SCMH1: variants seen among roughly 807,000 people sequenced by gnomAD.
SCMH1 encodes Scm polycomb group protein homolog 1, also known as polycomb protein SCMH1.
A neutral mutation model predicts 70.8 loss-of-function variants in SCMH1; 37 were observed. That is an observed-to-expected ratio of 0.52 (90% confidence interval 0.40 to 0.69). SCMH1 has a LOEUF of 0.69. Ranked by LOEUF, SCMH1 falls within the 30% of genes least tolerant of loss-of-function variation. The pLI is 0.00. For synonymous variants in SCMH1, 292 were observed against 307.4 expected (o/e 0.95, Z 0.52); for missense variants, 607 against 827.3 (o/e 0.73, Z 3.27).
chr1:41,039,115 A>T (rs1645730452), intron 12 of SCMH1, among the ~76,000 whole-genome samples: 1 of 152,260 alleles, frequency 6.6e-6, no homozygotes, highest in East Asian at 1.9e-4. Flanking sequence ...TTCAGCATTT[A>T]TCAGCAGGGT....
intron 8 of SCMH1, among the ~76,000 whole-genome samples, chr1:41,093,527 A>G (rs1572041408): frequency 6.6e-6 from 1 of 152,198 alleles, no homozygotes; most frequent in Non-Finnish European, 1.5e-5. Flanking sequence ...TAATAATAAT[A>G]AAAAAAGTTA....
At chr1:41,229,050 G>C (rs1316040537) in intron 1 of SCMH1, among the ~76,000 whole-genome samples, 2 of 152,100 alleles carry the variant, frequency 1.3e-5, no homozygotes, top group Non-Finnish European at 2.9e-5. Flanking sequence ...ACAAAAACTA[G>C]CCAGGCATGA....
At chr1:41,096,795 CT>C (rs11435636) in intron 8 of SCMH1, among the ~76,000 whole-genome samples, 1 of 152,018 alleles carries the variant, frequency 6.6e-6, no homozygotes, top group Non-Finnish European at 1.5e-5. Flanking sequence ...CTTTCCCTAC[CT>C]TTTTTCTCAT....
At chr1:41,055,381 ACT>A (rs756599215) in intron 10 of SCMH1, among the ~76,000 whole-genome samples, 39 of 151,616 alleles carry the variant, frequency 2.6e-4, no homozygotes, top group Admixed American at 1.0e-3. Context: ...ATGGAGTCTC[ACT>A]CTGTCGCCCA....
At chr1:41,141,512 T>C (rs1644069880) in intron 6 of SCMH1, among the ~76,000 whole-genome samples, 1 of 152,160 alleles carries the variant, frequency 6.6e-6, no homozygotes, top group African/African-American at 2.4e-5. Flanking sequence ...TAGAAATAAA[T>C]ATCACCAGCT....
At position 41,192,956 on chromosome 1, in the gene SCMH1, T is replaced by C. The variant is rs768046211; in HGVS notation, c.-117-6706A>G. ...GTTTTACAGGACATATGGTCTCTGT[T>C]GCAACTGCTCAACTCTGTTATCATA... On this transcript the variant is annotated intron_variant, in intron 1 of 14. Transcript: ENST00000337495. Among the ~76,000 whole-genome samples the C allele has an allele frequency of 2.2e-4, 33 of 152,338 alleles. 1 individual carries two copies. Among genetic ancestry groups the C allele is most frequent in the Non-Finnish European group, 3.7e-4 (25 of 68,026 alleles).
intron 6 of SCMH1, among the ~76,000 whole-genome samples, chr1:41,118,526 G>C (rs1671109939): frequency 6.6e-6 from 1 of 152,118 alleles, no homozygotes; most frequent in Admixed American, 6.6e-5. Context: ...ATCACTTTCT[G>C]TCTTGCACAC....
intron 6 of SCMH1, among the ~76,000 whole-genome samples, chr1:41,137,258 C>T (rs1306352842): frequency 2.0e-5 from 3 of 152,062 alleles, no homozygotes; most frequent in African/African-American, 7.3e-5. Flanking sequence ...TAAGGCTATA[C>T]ATTTTCTTCT....
At position 41,074,072 on chromosome 1, in the gene SCMH1, CTTTTTTT is replaced by C. The variant is rs532510799; in HGVS notation, c.978+1140_978+1146del. ...CCCTAGAGAAGCTGCTGACAGAAGT[CTTTTTTT>C]TTTTTTTTTTTTATATCAATGCCTT... is the stretch of plus-strand genomic sequence containing the variant. On this transcript the variant is annotated intron_variant, in intron 9 of 14. Transcript: ENST00000337495. 7.8e-5 allele frequency among the ~76,000 whole-genome samples: 10 copies of C among 128,462 alleles called. 1 individual carries two copies. The highest frequency in any genetic ancestry group is 2.6e-4 in the South Asian group (1 of 3,860). 84.3% of individuals were successfully genotyped at this position (128,462 alleles called of 152,430 possible). A position where few individuals can be genotyped will look rare whatever the true frequency, so the allele number is the denominator to read the frequency against.
intron 12 of SCMH1, 99 bp from the exon 13 acceptor site, chr1:41,037,640 A>G (rs1645492026): frequency 2.8e-6 from 3 of 1,070,312 alleles, no homozygotes; most frequent in Non-Finnish European, 2.8e-6. Context: ...CAACAGAGAA[A>G]GCCCTGGGCA....
rs213755 is a variant in SCMH1, at chr1:41,129,493, G to A, written c.413-12483C>T. On this transcript the variant is annotated intron_variant, in intron 6 of 14. Coordinates refer to ENST00000337495, the Ensembl canonical transcript of SCMH1. The stretch of plus-strand genomic sequence containing the variant: ...ACTGGCTTATTTCACTTAGCATGTC[G>A]TCGAGGTTCACCTATGTTGTAGCAT... Among the ~76,000 whole-genome samples, 10 of 152,088 alleles carry A rather than the reference G, an allele frequency of 6.6e-5. 1 individual carries two copies. Among genetic ancestry groups the A allele is most frequent in the Non-Finnish European group, 1.2e-4 (8 of 68,022 alleles).
intron 8 of SCMH1, among the ~76,000 whole-genome samples, chr1:41,081,615 T>C (rs552137835): frequency 6.6e-6 from 1 of 152,210 alleles, no homozygotes; most frequent in East Asian, 1.9e-4. Flanking sequence ...GCCAGGAGTT[T>C]GAAACCAGCC....
chr1:41,050,422 C>A (rs1043331539), intron 10 of SCMH1, among the ~76,000 whole-genome samples: 1 of 152,176 alleles, frequency 6.6e-6, no homozygotes, highest in African/African-American at 2.4e-5. Flanking sequence ...CCTTGGGTCT[C>A]AGGTTCACCA....
intron 6 of SCMH1, among the ~76,000 whole-genome samples, chr1:41,121,510 G>A (rs905763822): frequency 3.3e-5 from 5 of 152,108 alleles, no homozygotes; most frequent in African/African-American, 7.2e-5. Flanking sequence ...ATTAGGCAAC[G>A]ACCTAGGCTG....
intron 4 of SCMH1, among the ~76,000 whole-genome samples, chr1:41,160,412 T>C (rs1358773906): frequency 2.6e-5 from 4 of 152,246 alleles, no homozygotes; most frequent in Non-Finnish European, 4.4e-5. Flanking sequence ...TCTGACTTCT[T>C]ACTTGATAAT....
At chr1:41,119,539 AAC>A (rs1299832680) in intron 6 of SCMH1, among the ~76,000 whole-genome samples, 1 of 152,124 alleles carries the variant, frequency 6.6e-6, no homozygotes, top group Non-Finnish European at 1.5e-5. Context: ...CTTGGGGTAA[AAC>A]ACAATGCTGT....
chr1:41,132,145 C>A (rs1642432955), intron 6 of SCMH1, among the ~76,000 whole-genome samples: 1 of 152,188 alleles, frequency 6.6e-6, no homozygotes, highest in Non-Finnish European at 1.5e-5. Flanking sequence ...AATGGGTGAA[C>A]TAATTTACAT....
At chr1:41,236,514 A>C (rs10493093) in intron 1 of SCMH1, among the ~76,000 whole-genome samples, 1 of 151,996 alleles carries the variant, frequency 6.6e-6, no homozygotes, top group Non-Finnish European at 1.5e-5. Flanking sequence ...AGCCAGGTCA[A>C]AATAAGAATA....
intron 1 of SCMH1, among the ~76,000 whole-genome samples, chr1:41,218,708 A>G (rs1446190743): frequency 6.6e-6 from 1 of 152,264 alleles, no homozygotes; most frequent in African/African-American, 2.4e-5. Context: ...CATACCAGGC[A>G]TGGTATTAAG....
Sources: gnomAD v4.1 joint callset for allele counts (sites outside exome capture counted in the v4.1 genomes callset) on GRCh38, gnomAD v4.1.1 for gene constraint, MANE v1.5 for transcripts, NCBI Gene and HGNC (gene_info 2026-07-23, HGNC 2026-07-21) for gene names.